Variants in CTNND2 observed in about 807,000 individuals in gnomAD.
The protein encoded by CTNND2 is catenin delta-2.
CTNND2 carries 22 observed loss-of-function variants against 144.4 expected under a neutral mutation model. The observed-to-expected ratio is 0.15, with a 90% CI of 0.11 to 0.22. CTNND2 has a LOEUF of 0.22. CTNND2 is among the 10% of genes least tolerant of loss of function. CTNND2 has a pLI of 1.00. For missense variants in CTNND2, 1,353 were observed against 1,618.8 expected, an observed-to-expected ratio of 0.84 and a Z score of 2.82; for synonymous variants, 751 against 695.6, an observed-to-expected ratio of 1.08 and a Z score of -1.25.
chr5:11,504,912 C>T (rs1189369875), intron 3 of CTNND2, among the ~76,000 whole-genome samples: 1 of 152,074 alleles, frequency 6.6e-6, no homozygotes, highest in East Asian at 1.9e-4. Context: ...GGTTCCTTTT[C>T]CTGAGAACCT....
intron 1 of CTNND2, among the ~76,000 whole-genome samples, chr5:11,866,531 C>T (rs1795777737): frequency 6.6e-6 from 1 of 152,192 alleles, no homozygotes; most frequent in African/African-American, 2.4e-5. Flanking sequence ...GAGGTCCCCA[C>T]TGACAGCTCT....
chr5:11,625,449 A>T (rs935597780), intron 2 of CTNND2, among the ~76,000 whole-genome samples: 1 of 150,348 alleles, frequency 6.7e-6, no homozygotes, highest in Non-Finnish European at 1.5e-5. Flanking sequence ...CTTACTTCAC[A>T]TCATTTACAA....
intron 8 of CTNND2, among the ~76,000 whole-genome samples, chr5:11,353,989 TTTACC>T (rs973409347): frequency 3.4e-4 from 51 of 152,216 alleles, no homozygotes; most frequent in African/African-American, 1.2e-3. Flanking sequence ...GACTTATTTC[TTTACC>T]TTGAGTAAGA....
chr5:11,322,107 A>T (rs1752092312), intron 9 of CTNND2, among the ~76,000 whole-genome samples: 1 of 151,996 alleles, frequency 6.6e-6, no homozygotes, highest in Non-Finnish European at 1.5e-5. Flanking sequence ...TACGCATCAT[A>T]CTCTTTCTTT....
intron 1 of CTNND2, among the ~76,000 whole-genome samples, chr5:11,750,074 G>A (rs770663609): frequency 6.6e-6 from 1 of 151,974 alleles, no homozygotes; most frequent in East Asian, 1.9e-4. Context: ...GTACCTTTCT[G>A]GTCTTGGTAT....
At chr5:11,475,836 A>G (rs114232653) in intron 3 of CTNND2, among the ~76,000 whole-genome samples, 2,439 of 152,080 alleles carry the variant, frequency 0.016, 63 homozygotes, top group African/African-American at 0.056. Context: ...CTGGGGACTA[A>G]TTTACTAGTT....
intron 11 of CTNND2, among the ~76,000 whole-genome samples, chr5:11,171,371 T>C (rs1759887195): frequency 6.6e-6 from 1 of 152,202 alleles, no homozygotes; most frequent in Non-Finnish European, 1.5e-5. Context: ...TAATAAGAGA[T>C]TATTTTTCAT....
chr5:11,666,836 G>A (rs977738329), intron 2 of CTNND2, among the ~76,000 whole-genome samples: 3 of 151,962 alleles, frequency 2.0e-5, no homozygotes, highest in African/African-American at 7.3e-5. Flanking sequence ...TTGTTAAATA[G>A]GTATACATGT....
At chr5:11,509,591 G>A (rs116756587) in intron 3 of CTNND2, among the ~76,000 whole-genome samples, 2,111 of 152,198 alleles carry the variant, frequency 0.014, 50 homozygotes, top group African/African-American at 0.049. Flanking sequence ...TGAGCATTAC[G>A]GAAGAGACCA....
At chr5:11,505,472 T>C (rs888958593) in intron 3 of CTNND2, among the ~76,000 whole-genome samples, 1 of 152,200 alleles carries the variant, frequency 6.6e-6, no homozygotes, top group Non-Finnish European at 1.5e-5. Flanking sequence ...ACATTTATAA[T>C]TTTGTCTGAA....
At chr5:11,729,251 G>GA (rs1400220428) in intron 2 of CTNND2, among the ~76,000 whole-genome samples, 1 of 150,358 alleles carries the variant, frequency 6.7e-6, no homozygotes, top group Non-Finnish European at 1.5e-5. Flanking sequence ...TAATTCCTCA[G>GA]AAAAAAAACT....
At chr5:11,125,835 G>T (rs902574521) in intron 12 of CTNND2, among the ~76,000 whole-genome samples, 2 of 152,174 alleles carry the variant, frequency 1.3e-5, no homozygotes, top group Non-Finnish European at 1.5e-5. Flanking sequence ...GTGACCATTT[G>T]GTGTTTATCA....
At chr5:11,031,057 T>C (rs571267788) in intron 16 of CTNND2, among the ~76,000 whole-genome samples, 51 of 152,320 alleles carry the variant, frequency 3.3e-4, no homozygotes, top group African/African-American at 1.2e-3. Context: ...ATTTCTCTTG[T>C]ATATGCAGTT....
At chr5:11,602,936 G>A (rs1407965845) in intron 2 of CTNND2, among the ~76,000 whole-genome samples, 1 of 147,322 alleles carries the variant, frequency 6.8e-6, no homozygotes, top group Non-Finnish European at 1.5e-5. Context: ...AATTGATGAG[G>A]GAAAAAATCC....
At chr5:11,442,222 T>C (rs1764332053) in intron 3 of CTNND2, among the ~76,000 whole-genome samples, 1 of 152,204 alleles carries the variant, frequency 6.6e-6, no homozygotes, top group African/African-American at 2.4e-5. Flanking sequence ...TTTATAAAAA[T>C]AAAAGCTTAC....
chr5:11,223,782 T>C (rs1459910350), intron 10 of CTNND2, among the ~76,000 whole-genome samples: 1 of 151,830 alleles, frequency 6.6e-6, no homozygotes, highest in East Asian at 1.9e-4. Flanking sequence ...GCAGGGAAAA[T>C]CTCCAAGGCC....
At chr5:11,866,737 C>T (rs73743297) in intron 1 of CTNND2, among the ~76,000 whole-genome samples, 3,071 of 152,286 alleles carry the variant, frequency 0.02, 84 homozygotes, top group African/African-American at 0.067. Flanking sequence ...GTCCTAATAA[C>T]AAACTACACT....
chr5:11,386,232 C>T (rs902258506), intron 6 of CTNND2, among the ~76,000 whole-genome samples: 1 of 151,922 alleles, frequency 6.6e-6, no homozygotes, highest in Non-Finnish European at 1.5e-5. Flanking sequence ...ATTTTGAGAG[C>T]CTGCTGGTGT....
chr5:11,829,561 G>T (rs760460704), intron 1 of CTNND2, among the ~76,000 whole-genome samples: 2 of 152,224 alleles, frequency 1.3e-5, no homozygotes, highest in Non-Finnish European at 2.9e-5. Flanking sequence ...TGTTGAGCCT[G>T]CCAGTGCACA....
Sources: gnomAD v4.1 joint callset for allele counts (sites outside exome capture counted in the v4.1 genomes callset) on GRCh38, gnomAD v4.1.1 for gene constraint, MANE v1.5 for transcripts, NCBI Gene and HGNC (gene_info 2026-07-23, HGNC 2026-07-21) for gene names.